The following NPAS3 variants were observed in gnomAD, a reference collection of about 807,000 sequenced individuals.
NPAS3 encodes neuronal PAS domain-containing protein 3.
Under a neutral mutation model 73.1 loss-of-function variants are expected in NPAS3, and 14 were observed. That is an observed-to-expected ratio of 0.19 (90% CI 0.13 to 0.30). The LOEUF is 0.30. Ranked by LOEUF, NPAS3 falls within the 10% of genes least tolerant of loss-of-function variation. The pLI, the probability that NPAS3 is intolerant of heterozygous loss-of-function variation, is 1.00. For synonymous variants in NPAS3, 620 were observed against 541.5 expected (o/e 1.14, Z -2.01); for missense variants, 1,096 against 1,250.0 (o/e 0.88, Z 1.86).
At chr14:33,445,385 A>T (rs1476161616) in intron 4 of NPAS3, among the ~76,000 whole-genome samples, 1 of 152,218 alleles carries the variant, frequency 6.6e-6, no homozygotes, top group African/African-American at 2.4e-5. Context: ...TACTACAGCT[A>T]TTCTCCTGTA....
intron 2 of NPAS3, among the ~76,000 whole-genome samples, chr14:33,109,452 G>A (rs1210337640): frequency 3.3e-5 from 5 of 152,044 alleles, no homozygotes; most frequent in Non-Finnish European, 5.9e-5. Context: ...CATTTTTATA[G>A]CTTCTGGGGA....
intron 4 of NPAS3, among the ~76,000 whole-genome samples, chr14:33,503,160 CA>C (rs1428937377): frequency 2.0e-5 from 3 of 151,706 alleles, no homozygotes; most frequent in Non-Finnish European, 4.4e-5. Flanking sequence ...ATGCAAAAAC[CA>C]AAAGTAATTG....
chr14:33,413,271 C>A (rs1444306676), intron 4 of NPAS3, among the ~76,000 whole-genome samples: 1 of 150,278 alleles, frequency 6.7e-6, no homozygotes, highest in East Asian at 2.0e-4. Flanking sequence ...TGGGAAAATT[C>A]AAAGCTTTTC....
At chr14:33,510,277 C>T (rs2052982376) in intron 4 of NPAS3, among the ~76,000 whole-genome samples, 1 of 152,036 alleles carries the variant, frequency 6.6e-6, no homozygotes, top group Admixed American at 6.6e-5. Flanking sequence ...TCTCACCACC[C>T]TTTAGGGGCC....
chr14:33,003,527 T>A (rs1474505732), intron 1 of NPAS3, among the ~76,000 whole-genome samples: 1 of 152,170 alleles, frequency 6.6e-6, no homozygotes, highest in Non-Finnish European at 1.5e-5. Context: ...GTTTAAGATT[T>A]TTTTCTGTGT....
At chr14:33,422,966 A>G (rs1037731631) in intron 4 of NPAS3, among the ~76,000 whole-genome samples, 3 of 152,012 alleles carry the variant, frequency 2.0e-5, no homozygotes, top group Non-Finnish European at 4.4e-5. Flanking sequence ...TAGTTTATTC[A>G]GTGTGGAAGA....
At chr14:33,127,655 G>A (rs76692819) in intron 2 of NPAS3, among the ~76,000 whole-genome samples, 1 of 152,096 alleles carries the variant, frequency 6.6e-6, no homozygotes, top group East Asian at 1.9e-4. Flanking sequence ...GGCAGGTACT[G>A]AGCACAAAAG....
chr14:33,518,289 A>C (rs2053396145), intron 4 of NPAS3, among the ~76,000 whole-genome samples: 1 of 151,344 alleles, frequency 6.6e-6, no homozygotes, highest in Non-Finnish European at 1.5e-5. Flanking sequence ...GAGGTAACTC[A>C]TGGTGGGGGT....
At chr14:33,303,131 G>A (rs1474951624) in intron 3 of NPAS3, among the ~76,000 whole-genome samples, 1 of 151,994 alleles carries the variant, frequency 6.6e-6, no homozygotes, top group Non-Finnish European at 1.5e-5. Context: ...CTTGTCGCCA[G>A]ATATTTTTTT....
intron 4 of NPAS3, among the ~76,000 whole-genome samples, chr14:33,470,548 A>T (rs1044772259): frequency 1.0e-3 from 156 of 152,312 alleles, no homozygotes; most frequent in African/African-American, 3.7e-3. Context: ...ATAGGGGAGG[A>T]AACCTTCTAA....
At chr14:33,802,482 C>T (rs1270751126), downstream of NPAS3, 2 of 151,714 alleles carry the variant, frequency 1.3e-5, no homozygotes, top group Non-Finnish European at 2.9e-5. Context: ...AAATGACTGT[C>T]AAGTATAAAT....
At chr14:33,561,085 T>TTG (rs1267576361) in intron 5 of NPAS3, among the ~76,000 whole-genome samples, 1 of 152,070 alleles carries the variant, frequency 6.6e-6, no homozygotes, top group South Asian at 2.1e-4. Context: ...GGGAGGGATT[T>TTG]TGTGTGTGTG....
chr14:33,438,175 A>G (rs1246119571), intron 4 of NPAS3, among the ~76,000 whole-genome samples: 2 of 152,238 alleles, frequency 1.3e-5, no homozygotes, highest in Non-Finnish European at 2.9e-5. Flanking sequence ...CTGAGCATAA[A>G]AAACATAAAT....
intron 3 of NPAS3, among the ~76,000 whole-genome samples, chr14:33,334,263 A>G: frequency 6.6e-6 from 1 of 152,084 alleles, no homozygotes; most frequent in East Asian, 1.9e-4. Context: ...CACTGATTAT[A>G]AGTGTATGGT....
chr14:33,296,790 A>C (rs2042319519), intron 3 of NPAS3, among the ~76,000 whole-genome samples: 1 of 152,194 alleles, frequency 6.6e-6, no homozygotes, highest in Non-Finnish European at 1.5e-5. Flanking sequence ...CAAGAATTTT[A>C]TTAGTCCGGG....
chr14:33,192,173 C>A (rs1369953141), intron 2 of NPAS3, among the ~76,000 whole-genome samples: 1 of 152,142 alleles, frequency 6.6e-6, no homozygotes, highest in Non-Finnish European at 1.5e-5. Flanking sequence ...TCACTTTAAA[C>A]CTCCCTGCCC....
At chr14:32,953,198 T>C (rs776366978) in intron 1 of NPAS3, among the ~76,000 whole-genome samples, 2 of 151,838 alleles carry the variant, frequency 1.3e-5, no homozygotes, top group Non-Finnish European at 2.9e-5. Context: ...AAATTTGGGA[T>C]TTATAGATGG....
chr14:33,242,863 G>C (rs922479121), intron 3 of NPAS3, among the ~76,000 whole-genome samples: 1 of 152,072 alleles, frequency 6.6e-6, no homozygotes, highest in African/African-American at 2.4e-5. Flanking sequence ...AAGTGCTATA[G>C]CATTAGATGA....
At chr14:33,627,467 G>T (rs956420575) in intron 5 of NPAS3, among the ~76,000 whole-genome samples, 14 of 152,128 alleles carry the variant, frequency 9.2e-5, no homozygotes. Context: ...CAGTGATCTT[G>T]AGTCACTACA....
Sources: gnomAD v4.1 joint callset for allele counts (sites outside exome capture counted in the v4.1 genomes callset) on GRCh38, gnomAD v4.1.1 for gene constraint, MANE v1.5 for transcripts, NCBI Gene and HGNC (gene_info 2026-07-23, HGNC 2026-07-21) for gene names.